ROBO2: variants seen among roughly 807,000 people sequenced by gnomAD.
ROBO2 encodes the protein roundabout guidance receptor 2, also known as roundabout homolog 2.
A neutral mutation model predicts 160.8 loss-of-function variants in ROBO2; 53 were observed. That is an observed-to-expected ratio of 0.33 (90% confidence interval 0.26 to 0.41). The LOEUF (loss-of-function observed/expected upper bound fraction) is 0.41, where lower values mean the gene tolerates loss of function less well. Among genes scored for constraint, ROBO2 ranks in the 10% least tolerant of loss-of-function variants. ROBO2 has a pLI of 1.00. For synonymous variants in ROBO2, 664 were observed against 611.7 expected (o/e 1.09, Z -1.26); for missense variants, 1,577 against 1,722.4 (o/e 0.92, Z 1.49).
chr3:76,063,613 T>G (rs1017643039), intron 2 of ROBO2, among the ~76,000 whole-genome samples: 3 of 152,084 alleles, frequency 2.0e-5, no homozygotes, highest in Admixed American at 6.6e-5. Context: ...CCCAAAGTGC[T>G]GGGATTACAG....
chr3:76,155,677 C>T (rs1038780003), intron 2 of ROBO2, among the ~76,000 whole-genome samples: 3 of 152,128 alleles, frequency 2.0e-5, no homozygotes, highest in Non-Finnish European at 4.4e-5. Context: ...TGCAAGTTTG[C>T]ACGTCTTTAA....
chr3:76,084,051 C>T (rs1286993440), intron 2 of ROBO2, among the ~76,000 whole-genome samples: 6 of 152,120 alleles, frequency 3.9e-5, no homozygotes, highest in African/African-American at 1.4e-4. Context: ...CATGCAGAAC[C>T]AATGATATGT....
chr3:76,639,405 T>A (rs960729084), intron 2 of ROBO2, among the ~76,000 whole-genome samples: 3 of 151,742 alleles, frequency 2.0e-5, no homozygotes, highest in African/African-American at 7.3e-5. Flanking sequence ...TATATACACA[T>A]ACATACATAA....
At chr3:75,952,314 AT>A (rs1294735828) in intron 2 of ROBO2, among the ~76,000 whole-genome samples, 7 of 151,956 alleles carry the variant, frequency 4.6e-5, no homozygotes, top group Admixed American at 4.6e-4. Context: ...ATTAAAATCA[AT>A]TTCTCTAGAT....
chr3:75,996,596 A>G (rs1488151854), intron 2 of ROBO2, among the ~76,000 whole-genome samples: 1 of 152,192 alleles, frequency 6.6e-6, no homozygotes, highest in Non-Finnish European at 1.5e-5. Flanking sequence ...CCTTATCTAC[A>G]TCATAAGATG....
intron 2 of ROBO2, among the ~76,000 whole-genome samples, chr3:77,432,264 C>T (rs1014361397): frequency 2.6e-5 from 4 of 152,070 alleles, no homozygotes; most frequent in African/African-American, 7.2e-5. Flanking sequence ...ATTTTATATA[C>T]GGGCTTATTT....
rs544069697 is a variant in ROBO2 at position 75,967,685 on chromosome 3, G to A, written c.109+30083G>A. Among the ~76,000 whole-genome samples, 192 of 151,416 alleles carry A rather than the reference G, an allele frequency of 1.3e-3. 1 individual carries two copies. The highest frequency in any genetic ancestry group is 4.2e-3 in the African/African-American group (172 of 41,404). ...ATCTTGCATTTTTCATTATAATTTC[G>A]TATATAATTTTGTTTTTAATGCATA... On this transcript the variant is annotated intron_variant, in intron 2 of 26. Transcript: ENST00000487694.
intron 2 of ROBO2, among the ~76,000 whole-genome samples, chr3:76,163,149 A>T (rs1389366175): frequency 6.6e-6 from 1 of 152,080 alleles, no homozygotes; most frequent in Non-Finnish European, 1.5e-5. Context: ...TGTTTGTTGC[A>T]TCTGATAACT....
chr3:77,411,227 G>T (rs2076774897), intron 2 of ROBO2, among the ~76,000 whole-genome samples: 2 of 152,116 alleles, frequency 1.3e-5, no homozygotes, highest in South Asian at 4.1e-4. Flanking sequence ...CTGCTCTTGA[G>T]TCCACAATTA....
intron 2 of ROBO2, among the ~76,000 whole-genome samples, chr3:76,948,980 A>G (rs931679907): frequency 7.4e-5 from 10 of 135,288 alleles, no homozygotes; most frequent in African/African-American, 2.8e-4. Context: ...TGACCTCCTG[A>G]CCTGAGGTGA....
At chr3:77,615,998 G>A (rs777046954) in intron 21 of ROBO2, among the ~76,000 whole-genome samples, 11 of 152,104 alleles carry the variant, frequency 7.2e-5, no homozygotes, top group Admixed American at 2.0e-4. Context: ...AACTGTATGA[G>A]GTGCAAGAAG....
At chr3:76,136,873 T>C (rs1012191986) in intron 2 of ROBO2, among the ~76,000 whole-genome samples, 2 of 151,990 alleles carry the variant, frequency 1.3e-5, no homozygotes, top group Non-Finnish European at 2.9e-5. Flanking sequence ...AAAATGATCA[T>C]GTACAGAAGT....
rs71104623 is a variant in ROBO2 at position 76,806,214 on chromosome 3, CGT to C, written c.110-291771_110-291770del. Among the ~76,000 whole-genome samples the C allele has an allele frequency of 8.1e-3, 1,181 of 146,238 alleles. 11 individuals carry two copies. The highest frequency in any genetic ancestry group is 0.016 in the South Asian group (75 of 4,554). On this transcript the variant is annotated intron_variant, in intron 2 of 26. Transcript: ENST00000487694. ...AGGGTGTTTGTTTATTTTCTGTGTGCGTGTGTGTGTGTGTGTGTGTGTGTGTG... is the reference window on the plus strand; with the variant it reads ...AGGGTGTTTGTTTATTTTCTGTGTGCGTGTGTGTGTGTGTGTGTGTGTGTG...
At chr3:77,162,122 A>G (rs2078547616) in intron 2 of ROBO2, among the ~76,000 whole-genome samples, 1 of 152,116 alleles carries the variant, frequency 6.6e-6, no homozygotes, top group South Asian at 2.1e-4. Flanking sequence ...TTCTTATGTC[A>G]TAGCTTCTCA....
intron 2 of ROBO2, among the ~76,000 whole-genome samples, chr3:76,057,818 T>A (rs1286673853): frequency 6.6e-6 from 1 of 152,236 alleles, no homozygotes; most frequent in Non-Finnish European, 1.5e-5. Context: ...TTCCCTGTTC[T>A]AAATCATTTT....
intron 2 of ROBO2, among the ~76,000 whole-genome samples, chr3:76,445,711 C>T (rs1241312909): frequency 6.6e-6 from 1 of 152,208 alleles, no homozygotes; most frequent in Admixed American, 6.5e-5. Flanking sequence ...GGGCTTCATC[C>T]CTGGGATGCA....
intron 15 of ROBO2, 34 bp from the exon 17 acceptor site, chr3:77,579,913 A>G: frequency 3.2e-6 from 5 of 1,581,250 alleles, no homozygotes; most frequent in South Asian, 1.1e-5. Context: ...CGATAATCTT[A>G]TATCCATGTG....
intron 2 of ROBO2, among the ~76,000 whole-genome samples, chr3:77,301,507 T>G (rs889866382): frequency 6.6e-6 from 1 of 152,214 alleles, no homozygotes; most frequent in African/African-American, 2.4e-5. Flanking sequence ...TATACAGCAG[T>G]CTATATATTT....
At chr3:76,785,481 G>A (rs965635310) in intron 2 of ROBO2, among the ~76,000 whole-genome samples, 2 of 151,254 alleles carry the variant, frequency 1.3e-5, no homozygotes, top group African/African-American at 4.8e-5. Context: ...CACAGGGTAA[G>A]TATATTTTAT....
Sources: allele counts gnomAD v4.1 joint callset (sites outside exome capture counted in the v4.1 genomes callset), GRCh38; gene constraint gnomAD v4.1.1; transcripts MANE v1.5; gene names NCBI Gene and HGNC (gene_info 2026-07-23, HGNC 2026-07-21).